UNC13B: variants seen among roughly 807,000 people sequenced by gnomAD.
UNC13B encodes the protein protein unc-13 homolog B.
Under a neutral mutation model 211.0 loss-of-function variants are expected in UNC13B, and 144 were observed. The ratio of observed to expected loss-of-function variants is 0.68; its 90% confidence interval spans 0.60 to 0.78. UNC13B has a LOEUF of 0.78. UNC13B is among the 30% of genes least tolerant of loss of function. UNC13B has a pLI of 0.00. For synonymous variants in UNC13B, 709 were observed against 725.8 expected (o/e 0.98, Z 0.37); for missense variants, 1,777 against 2,002.0 (o/e 0.89, Z 2.14).
intron 1 of UNC13B, among the ~76,000 whole-genome samples, chr9:35,182,450 TTTTATTTTTA>T (rs1487967223): frequency 1.3e-5 from 2 of 151,576 alleles, no homozygotes; most frequent in South Asian, 2.1e-4. Flanking sequence ...TTTTATTTTA[TTTTATTTTTA>T]TTTATTTTTA....
At chr9:35,205,174 T>C (rs973839313) in intron 1 of UNC13B, among the ~76,000 whole-genome samples, 3 of 152,200 alleles carry the variant, frequency 2.0e-5, no homozygotes, top group Non-Finnish European at 4.4e-5. Context: ...CTTCACCTTA[T>C]ACCTTGATTG....
intron 11 of UNC13B, among the ~76,000 whole-genome samples, chr9:35,319,190 G>A (rs746867548): frequency 7.9e-5 from 12 of 151,796 alleles, no homozygotes; most frequent in Non-Finnish European, 1.8e-4. Context: ...TGTAATCCCA[G>A]CAGGAGTTTG....
chr9:35,375,975 G>C, intron 14 of UNC13B, 53 bp from the exon 15 acceptor site: 1 of 1,583,718 alleles, frequency 6.3e-7, no homozygotes, highest in East Asian at 2.2e-5. Context: ...GCAAGACTCT[G>C]TCTCAAAACA....
rs1365098683 is a variant in UNC13B at position 35,300,383 on chromosome 9, G to GTGGT, written c.981_984dup (p.Lys329GlyfsTer2). On this transcript the variant is annotated frameshift_variant, in exon 9 of 40. Transcript: ENST00000635942. LOFTEE classifies it high-confidence loss of function. ...TTTGTACCCCTACAAAAATGGATTTGTGGTTAAGAGTGGCATGCAGCGCAT... is the reference window on the plus strand; with the variant it reads ...TTTGTACCCCTACAAAAATGGATTTGTGGTTGGTTAAGAGTGGCATGCAGCGCAT... 2.5e-6 allele frequency: 1 copy of GTGGT among 398,888 alleles called. No homozygotes were observed. The highest frequency in any genetic ancestry group is 4.4e-6 in the Non-Finnish European group (1 of 226,044). The allele number at this position is 398,888 out of a possible 1,614,324, so 24.7% of individuals were successfully genotyped here. A position where few individuals can be genotyped will look rare whatever the true frequency, so the allele number is the denominator to read the frequency against.
At position 35,255,004 on chromosome 9, in the gene UNC13B, T is replaced by A. The variant is rs11795042; in HGVS notation, c.469-3989T>A. Among the ~76,000 whole-genome samples, 12 of 117,726 alleles carry A rather than the reference T, an allele frequency of 1.0e-4. No homozygotes were observed. In the South Asian group the frequency reaches 2.7e-3, roughly 27 times the overall value. The allele number at this position is 117,726 out of a possible 152,430, so 77.2% of individuals were successfully genotyped here. A position where few individuals can be genotyped will look rare whatever the true frequency, so the allele number is the denominator to read the frequency against. ...AATATATGTATATATTATATTATATTATATATTAATATATGTATATATAAT... is the reference window on the plus strand; with the variant it reads ...AATATATGTATATATTATATTATATAATATATTAATATATGTATATATAAT... On this transcript the variant is annotated intron_variant, in intron 6 of 39. Transcript: ENST00000635942.
At chr9:35,296,060 G>A (rs561559639) in intron 8 of UNC13B, 130 bp downstream of exon 8, 3 of 758,820 alleles carry the variant, frequency 4.0e-6, no homozygotes, top group Non-Finnish European at 6.4e-6. Context: ...CCAAACTACA[G>A]TCATTTTGTG....
At chr9:35,350,861 AAAAG>A (rs1202933082) in intron 11 of UNC13B, among the ~76,000 whole-genome samples, 1 of 152,230 alleles carries the variant, frequency 6.6e-6, no homozygotes, top group Non-Finnish European at 1.5e-5. Flanking sequence ...AACAAACTGG[AAAAG>A]AAAGAAAGAA....
At chr9:35,255,090 A>G (rs1826796553) in intron 6 of UNC13B, among the ~76,000 whole-genome samples, 1 of 126,462 alleles carries the variant, frequency 7.9e-6, no homozygotes, top group African/African-American at 3.0e-5. Context: ...TATATTATAT[A>G]TATATTATAT....
chr9:35,165,150 A>C (rs1245606151), intron 1 of UNC13B, among the ~76,000 whole-genome samples: 1 of 152,236 alleles, frequency 6.6e-6, no homozygotes, highest in Non-Finnish European at 1.5e-5. Context: ...ACGATAGTAC[A>C]TGAAGACTGT....
Position 35,377,650 on chromosome 9 carries a change from G to A in UNC13B, c.10018G>A (p.Val3340Ile). ...GCAGATGAAAACAGTGAAGCAGAGTGTACTGGATGGCACCTCCAAATGGTC... is the reference window on the plus strand; with the variant it reads ...GCAGATGAAAACAGTGAAGCAGAGTATACTGGATGGCACCTCCAAATGGTC... ...VQQMKTVKQS[V>I]LDGTSKWSAK... The change falls in exon 16 of 40, where the codon GTA becomes ATA. Residue 3340 changes from valine (V) to isoleucine (I), a missense_variant. Transcript: ENST00000635942. The A allele has an allele frequency of 6.2e-7, 1 of 1,614,198 alleles. No homozygotes were observed. The highest frequency in any genetic ancestry group is 8.5e-7 in the Non-Finnish European group (1 of 1,180,046).
In UNC13B at chr9:35,404,809, G is replaced by C. The variant is rs1005751007; in HGVS notation, c.*776G>C. 3.9e-5 allele frequency: 6 copies of C among 152,564 alleles called. No homozygotes were observed. Among genetic ancestry groups the C allele is most frequent in the African/African-American group, 1.4e-4 (6 of 41,404 alleles). The allele number at this position is 152,564 out of a possible 1,614,324, so 9.5% of individuals were successfully genotyped here. A position where few individuals can be genotyped will look rare whatever the true frequency, so the allele number is the denominator to read the frequency against. ...AGGACGTGACAGGCTGTTCTAACAT[G>C]TGTCTACCTGAGGGCTAGTTGAAGG... On this transcript the variant is annotated 3_prime_UTR_variant, in exon 40 of 40. Coordinates refer to ENST00000635942, the MANE Select transcript of UNC13B (RefSeq NM_001371189.2).
intron 11 of UNC13B, chr9:35,342,427 T>A: frequency 1.1e-6 from 1 of 914,776 alleles, no homozygotes. Flanking sequence ...ATGGAGCAGC[T>A]ACATTAATTA....
intron 1 of UNC13B, among the ~76,000 whole-genome samples, chr9:35,226,910 C>T (rs1824878825): frequency 6.6e-6 from 1 of 152,246 alleles, no homozygotes; most frequent in Admixed American, 6.5e-5. Flanking sequence ...TAGAGTGTCA[C>T]ATTACAGAAC....
intron 17 of UNC13B, among the ~76,000 whole-genome samples, chr9:35,379,942 A>G (rs1371086753): frequency 6.6e-6 from 1 of 152,192 alleles, no homozygotes; most frequent in East Asian, 1.9e-4. Flanking sequence ...CCGATAGACG[A>G]GATGACAATT....
chr9:35,387,060 G>A (rs1158972205), intron 24 of UNC13B, among the ~76,000 whole-genome samples: 2 of 152,162 alleles, frequency 1.3e-5, no homozygotes, highest in African/African-American at 4.8e-5. Context: ...TCTGAGGAGA[G>A]CACAGTGCTC....
intron 7 of UNC13B, among the ~76,000 whole-genome samples, chr9:35,288,298 T>C (rs907601727): frequency 1.3e-5 from 2 of 152,220 alleles, no homozygotes; most frequent in Non-Finnish European, 2.9e-5. Flanking sequence ...AAAGCTCTGA[T>C]AGCTCTGTGT....
At chr9:35,233,438 G>A (rs995891729) in intron 3 of UNC13B, among the ~76,000 whole-genome samples, 2 of 151,988 alleles carry the variant, frequency 1.3e-5, no homozygotes, top group Non-Finnish European at 1.5e-5. Context: ...TCTTTTACAC[G>A]TGGGTTTTAT....
intron 1 of UNC13B, among the ~76,000 whole-genome samples, chr9:35,214,294 G>T (rs377644893): frequency 9.9e-5 from 15 of 152,076 alleles, no homozygotes; most frequent in African/African-American, 3.4e-4. Context: ...GGGTGTAGTG[G>T]TGCATGCCTG....
chr9:35,239,239 C>T (rs548078658), intron 5 of UNC13B, among the ~76,000 whole-genome samples: 73 of 151,882 alleles, frequency 4.8e-4, no homozygotes, highest in Non-Finnish European at 8.4e-4. Flanking sequence ...TTCCATTTTT[C>T]CTAAGTGTTG....
Sources: allele counts gnomAD v4.1 joint callset (sites outside exome capture counted in the v4.1 genomes callset), GRCh38; gene constraint gnomAD v4.1.1; transcripts MANE v1.5; gene names NCBI Gene and HGNC (gene_info 2026-07-23, HGNC 2026-07-21).